The following BICDL2 variants were observed in gnomAD, a reference collection of about 807,000 sequenced individuals.
BICDL2 encodes BICD family-like cargo adapter 2.
Under a neutral mutation model 56.6 loss-of-function variants are expected in BICDL2, and 62 were observed. That is an observed-to-expected ratio of 1.10 (90% confidence interval 0.89 to 1.35). BICDL2 has a LOEUF of 1.35. Ranked by LOEUF, BICDL2 falls within the 40% of genes most tolerant of loss-of-function variation. The probability of loss-of-function intolerance (pLI) is 0.00; values close to 1 mark genes in which losing one functional copy is unlikely to be tolerated. For missense variants in BICDL2, 808 were observed against 684.5 expected (o/e 1.18, Z -2.01); for synonymous variants, 358 against 319.8 (o/e 1.12, Z -1.27).
In BICDL2 at chr16:3,030,812, C is replaced by T. The variant is rs764608237; in HGVS notation, c.499G>A (p.Ala167Thr). Reference protein sequence around the residue: ...NLRLSQQLAQASQTEQELQRE... With the variant: ...NLRLSQQLAQTSQTEQELQRE... ...TGAAGTTCCTGCTCAGTCTGGGAGG[C>T]CTGGGGAGGTGGAAAGAGGGACAGA... The change falls in exon 4 of 10, where the codon GCC becomes ACC. Residue 167 changes from alanine to threonine, a missense_variant and splice_region_variant. Coordinates refer to ENST00000572449, the MANE Select transcript of BICDL2 (RefSeq NM_001369667.1). 2 of 1,605,642 alleles carry T rather than the reference C, an allele frequency of 1.2e-6. No individual in the cohort carries two copies. Among genetic ancestry groups the T allele is most frequent in the Non-Finnish European group, 1.7e-6 (2 of 1,177,266 alleles).
chr16:3,030,771 G>T lies in BICDL2; in HGVS notation c.540C>A (p.Ala180=). 6.2e-7 allele frequency: 1 copy of T among 1,612,426 alleles called. No homozygotes were observed. Among genetic ancestry groups the T allele is most frequent in the South Asian group, 1.1e-5 (1 of 90,952 alleles). ...TEQELQRELD[A]LRGQCQAQAL... is the part of the protein sequence containing the mutation. ...CCTGAGCCTGGCACTGTCCCCGAAGGGCGTCCAGTTCCCTCTGAAGTTCCT... is the reference window on the plus strand; with the variant it reads ...CCTGAGCCTGGCACTGTCCCCGAAGTGCGTCCAGTTCCCTCTGAAGTTCCT... Residue 180 remains alanine (A), a synonymous_variant, in exon 4 of 10, where the codon GCC becomes GCA. Transcript: ENST00000572449.
chr16:3,032,625 G>A (rs1955673793), intron 2 of BICDL2: 1 of 152,180 alleles, frequency 6.6e-6, no homozygotes, highest in African/African-American at 2.4e-5. Flanking sequence ...GGGTGGGGGT[G>A]GAGGGTCCTT....
At chr16:3,031,667 G>A (rs1409836859) in intron 2 of BICDL2, 2 of 402,336 alleles carry the variant, frequency 5.0e-6, no homozygotes, top group East Asian at 3.6e-5. Flanking sequence ...GATGCCCAGC[G>A]TGGGGAGGCA....
At position 3,035,604 on chromosome 16, in the gene BICDL2, T is replaced by A. The variant is rs1023207105; in HGVS notation, c.-30-78A>T. ...CCTGGCCCTCCAGGAATTCTCCACC[T>A]GCTGCCAGCCTGCCCGGTCCTGCAG... On this transcript the variant is annotated intron_variant, in intron 1 of 9. Coordinates refer to ENST00000572449, the MANE Select transcript of BICDL2 (RefSeq NM_001369667.1). The A allele has an allele frequency of 6.0e-6, 8 of 1,327,374 alleles. No individual in the cohort carries two copies. The Admixed American group carries it at 2.0e-4, about 34-fold the overall frequency. 82.2% of individuals were successfully genotyped at this position (1,327,374 alleles called of 1,614,324 possible).
Position 3,029,741 on chromosome 16 carries a change from T to G in BICDL2, c.763-2A>C. ...AGCCTCTGACCGTGCGCGTTCCAGCTGTGGACGGTCCCGCAGACGGAAGCG... is the reference window on the plus strand; with the variant it reads ...AGCCTCTGACCGTGCGCGTTCCAGCGGTGGACGGTCCCGCAGACGGAAGCG... On this transcript the variant is annotated splice_acceptor_variant, in intron 5 of 9. Transcript: ENST00000572449. LOFTEE classifies it high-confidence loss of function. 1 of 1,491,864 alleles carries G rather than the reference T, an allele frequency of 6.7e-7. No individual in the cohort carries two copies. The highest frequency in any genetic ancestry group is 8.9e-7 in the Non-Finnish European group (1 of 1,129,384). 92.4% of individuals were successfully genotyped at this position (1,491,864 alleles called of 1,614,324 possible).
rs1567420369 is a variant in BICDL2, at chr16:3,029,376, C to T, written c.1011G>A (p.Pro337=). ...RKASSPQPSP[P]EEILEPPKKR... ...TCTTGGGGGGCTCTAAGATCTCTTC[C>T]GGGGGTGAAGGCTGGGGGCTGGACG... Residue 337 remains proline, a synonymous_variant, in exon 7 of 10, where the codon CCG becomes CCA. Coordinates refer to ENST00000572449, the MANE Select transcript of BICDL2 (RefSeq NM_001369667.1). 3.7e-6 allele frequency: 6 copies of T among 1,608,064 alleles called. No homozygotes were observed. The highest frequency in any genetic ancestry group is 3.3e-5 in the South Asian group (3 of 90,780).
intron 1 of BICDL2, 157 bp downstream of exon 1, chr16:3,036,737 C>A (rs1336723042): frequency 1.2e-5 from 5 of 408,162 alleles, no homozygotes; most frequent in South Asian, 8.4e-5. Flanking sequence ...GCTGGGCTCA[C>A]CCCCGACGGC....
Position 3,028,404 on chromosome 16 carries a change from G to A in BICDL2, c.1303C>T (p.Leu435=). ...ACCTTCTGGCGGATGGCGCGCAGCA[G>A]CTCCCGAGACAGGGAGTCTCGCTCC... The part of the protein sequence containing the change: ...SLERDSLSRE[L]LRAIRQKVAL... The change falls in exon 9 of 10, where the codon CTG becomes TTG. Residue 435 remains leucine, a synonymous_variant. Transcript: ENST00000572449. The A allele has an allele frequency of 6.4e-7, 1 of 1,554,614 alleles. No homozygotes were observed. The highest frequency in any genetic ancestry group is 1.4e-5 in the African/African-American group (1 of 73,956).
chr16:3,028,416 G>C lies in BICDL2; in HGVS notation c.1291C>G (p.Leu431Val), dbSNP rs1162005540. 1.3e-6 allele frequency: 2 copies of C among 1,558,046 alleles called. No individual in the cohort carries two copies. The highest frequency in any genetic ancestry group is 1.7e-6 in the Non-Finnish European group (2 of 1,160,474). ...ATGGCGCGCAGCAGCTCCCGAGACA[G>C]GGAGTCTCGCTCCAGCGAGACGCGG... ...LNRVSLERDS[L>V]SRELLRAIRQ... The change falls in exon 9 of 10, where the codon CTG (leucine) becomes GTG (valine). Residue 431 changes from leucine to valine, a missense_variant. Leu to Val is a conservative substitution (Grantham distance 32). Transcript: ENST00000572449.
At chr16:3,028,615 CATT>C (rs5815143) in intron 8 of BICDL2, 82 bp downstream of exon 8, 881,902 of 1,528,558 alleles carry the variant, frequency 0.58, 256,275 homozygotes, top group Admixed American at 0.61. Flanking sequence ...GAGTGGGGAT[CATT>C]ATAACCCGTA....
chr16:3,035,177 G>GTCCCCCCCCCCC, intron 2 of BICDL2, 38 bp downstream of exon 2: 2 of 118,826 alleles, frequency 1.7e-5, no homozygotes, highest in Non-Finnish European at 3.1e-5. Context: ...GTCCTCCCCT[G>GTCCCCCCCCCCC]CCCACCCACC....
Position 3,028,844 on chromosome 16 carries a change from A to AG in BICDL2, c.1108-15dup. On this transcript the variant is annotated splice_polypyrimidine_tract_variant and intron_variant, in intron 7 of 9. Transcript: ENST00000572449. Reference sequence around the variant, plus strand: ...CTGCAGCGAGATCTGTGAGCAGAGGAGGGGGGCCGTGCGGCAGATGGGCCA... The same window carrying AG: ...CTGCAGCGAGATCTGTGAGCAGAGGAGGGGGGGCCGTGCGGCAGATGGGCCA... The AG allele has an allele frequency of 1.3e-6, 2 of 1,536,356 alleles. No homozygotes were observed. The highest frequency in any genetic ancestry group is 1.4e-5 in the African/African-American group (1 of 73,130).
Position 3,031,119 on chromosome 16 carries a change from C to T in BICDL2, c.314G>A (p.Arg105Gln), listed in dbSNP as rs375698565. 1.8e-5 allele frequency: 28 copies of T among 1,535,520 alleles called. No homozygotes were observed. The highest frequency in any genetic ancestry group is 2.1e-5 in the Non-Finnish European group (24 of 1,146,474). The part of the protein sequence containing the change: ...RLQQENHELR[R>Q]GLAARGAEWE... ...CTCGGCTCCTCGGGCTGCCAGGCCT[C>T]GCCGGAGCTCATGGTTCTCCTGCTG... The change falls in exon 3 of 10, where the codon CGA (arginine) becomes CAA (glutamine). Residue 105 changes from arginine to glutamine, a missense_variant. Transcript: ENST00000572449.
Position 3,027,712 on chromosome 16 carries a change from T to A in BICDL2, c.*394A>T. 4 of 534,684 alleles carry A rather than the reference T, an allele frequency of 7.5e-6. No homozygotes were observed. The highest frequency in any genetic ancestry group is 7.3e-5 in the Admixed American group (1 of 13,770). 33.1% of individuals were successfully genotyped at this position (534,684 alleles called of 1,614,324 possible). A position where few individuals can be genotyped will look rare whatever the true frequency, so the allele number is the denominator to read the frequency against. On this transcript the variant is annotated 3_prime_UTR_variant, in exon 10 of 10. Coordinates refer to ENST00000572449, the MANE Select transcript of BICDL2 (RefSeq NM_001369667.1). Reference sequence around the variant, plus strand: ...GTTTTAGAGTGTTTTTCATTTTCTTTTTTTTTTTTTTTTTACAATAAAGTT... The same window carrying A: ...GTTTTAGAGTGTTTTTCATTTTCTTATTTTTTTTTTTTTTACAATAAAGTT...
In BICDL2 at chr16:3,030,682, C is replaced by G. The variant is rs1305546103; in HGVS notation, c.615+14G>C. ...TTTGGCTCAGATAATCCCCCAGCCC[C>G]AGCTGACACTCACTTCCCCCTGCAG... On this transcript the variant is annotated intron_variant, in intron 4 of 9. Coordinates refer to ENST00000572449, the MANE Select transcript of BICDL2 (RefSeq NM_001369667.1). 2.5e-6 allele frequency: 4 copies of G among 1,607,248 alleles called. No individual in the cohort carries two copies. The highest frequency in any genetic ancestry group is 1.7e-5 in the Admixed American group (1 of 59,420).
chr16:3,031,453 C>T (rs1184157310), intron 2 of BICDL2: 7 of 530,116 alleles, frequency 1.3e-5, no homozygotes, highest in Non-Finnish European at 2.0e-5. Context: ...TCGCAAGCGC[C>T]GTTTTTGGCG....
At chr16:3,035,587 TC>T in intron 1 of BICDL2, 61 bp from the exon 2 acceptor site, 1 of 1,427,522 alleles carries the variant, frequency 7.0e-7, no homozygotes, top group Non-Finnish European at 9.3e-7. Flanking sequence ...CACCTGGCCC[TC>T]CAGGAATTCT....
rs1320935794 is a variant in BICDL2 at position 3,033,283 on chromosome 16, C to T, written c.282+1932G>A. Among the ~76,000 whole-genome samples the T allele has an allele frequency of 2.6e-5, 4 of 151,740 alleles. 1 individual carries two copies. The highest frequency in any genetic ancestry group is 4.8e-5 in the African/African-American group (2 of 41,254). ...TCGCACCACTGCACTCCAGCCTGGG[C>T]GACAGAGCGAGACTCCATGTAAATA... On this transcript the variant is annotated intron_variant, in intron 2 of 9. Transcript: ENST00000572449.
In BICDL2 at chr16:3,029,265, T is replaced by G; in HGVS notation, c.1107+15A>C. Reference sequence around the variant, plus strand: ...TGGAGGGGCCGTGCATCCAGCACCGTGCCCTCTGCCCCACCTCATCTTGCA... The same window carrying G: ...TGGAGGGGCCGTGCATCCAGCACCGGGCCCTCTGCCCCACCTCATCTTGCA... On this transcript the variant is annotated intron_variant, in intron 7 of 9. Coordinates refer to ENST00000572449, the MANE Select transcript of BICDL2 (RefSeq NM_001369667.1). The G allele has an allele frequency of 1.2e-6, 2 of 1,607,700 alleles. No homozygotes were observed. The highest frequency in any genetic ancestry group is 1.7e-6 in the Non-Finnish European group (2 of 1,177,946).
Sources: allele counts gnomAD v4.1 joint callset (sites outside exome capture counted in the v4.1 genomes callset), GRCh38; gene constraint gnomAD v4.1.1; transcripts MANE v1.5; gene names NCBI Gene and HGNC (gene_info 2026-07-23, HGNC 2026-07-21).